The following ADGRF5 variants were observed in gnomAD, a reference collection of about 807,000 sequenced individuals.
ADGRF5 encodes the protein G-protein coupled receptor 116.
A neutral mutation model predicts 132.3 loss-of-function variants in ADGRF5; 75 were observed. The ratio of observed to expected loss-of-function variants is 0.57; its 90% CI spans 0.47 to 0.69. The LOEUF is 0.69. Ranked by LOEUF, ADGRF5 falls within the 30% of genes least tolerant of loss-of-function variation. ADGRF5 has a pLI of 0.00. For synonymous variants in ADGRF5, 629 were observed against 597.6 expected, an observed-to-expected ratio of 1.05 and a Z score of -0.77; for missense variants, 1,516 against 1,630.6, an observed-to-expected ratio of 0.93 and a Z score of 1.21.
chr6:46,905,605 A>G (rs2150894353), intron 2 of ADGRF5, among the ~76,000 whole-genome samples: 1 of 152,324 alleles, frequency 6.6e-6, no homozygotes, highest in Admixed American at 6.5e-5. Context: ...AAAATAAAGG[A>G]CAAAAATCGG....
intron 3 of ADGRF5, among the ~76,000 whole-genome samples, chr6:46,895,803 A>G (rs1774125256): frequency 1.3e-5 from 2 of 151,638 alleles, no homozygotes; most frequent in South Asian, 4.2e-4. Flanking sequence ...AACCAATAAG[A>G]AACATCCACT....
chr6:46,951,685 A>G (rs1469898556), intron 1 of ADGRF5, among the ~76,000 whole-genome samples: 2 of 152,150 alleles, frequency 1.3e-5, no homozygotes, highest in East Asian at 1.9e-4. Flanking sequence ...CTGCTTTCCT[A>G]AAGCAGGGAC....
rs113454041 is a variant in ADGRF5, at chr6:46,937,791, G to A, written c.-25+16943C>T. On this transcript the variant is annotated intron_variant, in intron 1 of 20. Transcript: ENST00000265417. The stretch of plus-strand genomic sequence containing the variant: ...TGCTGCAATACATATCTTGACAGTC[G>A]ATTTGATAACTGAGAAAGCTACTAA... Among the ~76,000 whole-genome samples the A allele has an allele frequency of 3.0e-4, 46 of 152,222 alleles. 1 individual carries two copies. The highest frequency in any genetic ancestry group is 2.1e-4 in the South Asian group (1 of 4,826).
intron 1 of ADGRF5, among the ~76,000 whole-genome samples, chr6:46,932,176 C>T (rs1051992851): frequency 1.3e-5 from 2 of 151,952 alleles, no homozygotes; most frequent in Non-Finnish European, 1.5e-5. Context: ...AGTACATGAA[C>T]CTATTTAAGA....
chr6:46,867,032 A>C lies in ADGRF5; in HGVS notation c.1727T>G (p.Leu576Trp), dbSNP rs768870613. 1 of 1,613,918 alleles carries C rather than the reference A, an allele frequency of 6.2e-7. No individual in the cohort carries two copies. The highest frequency in any genetic ancestry group is 8.5e-7 in the Non-Finnish European group (1 of 1,179,742). ...ACCACTGCATGAAACAGTAGCTTCC[A>C]AAGGATCAACCATGATGTTCAGCTT... ...PLKLNIMVDP[L>W]EATVSCSGSH... The change falls in exon 13 of 21, where the codon TTG becomes TGG. Residue 576 changes from leucine to tryptophan, a missense_variant. Transcript: ENST00000283296.
Position 46,858,306 on chromosome 6 carries a change from C to T in ADGRF5, c.3597G>A (p.Arg1199=). Residue 1199 remains arginine, a synonymous_variant, in exon 17 of 21, where the codon AGG becomes AGA. Transcript: ENST00000283296. ...TGCATGGCTTGTCTCCAATGGAAGGCCTCAGGATCTTGGTGATGACCACAA... is the reference window on the plus strand; with the variant it reads ...TGCATGGCTTGTCTCCAATGGAAGGTCTCAGGATCTTGGTGATGACCACAA... ...ITIVVITKIL[R]PSIGDKPCKQ... 6.2e-7 allele frequency: 1 copy of T among 1,613,942 alleles called. No individual in the cohort carries two copies. The highest frequency in any genetic ancestry group is 8.5e-7 in the Non-Finnish European group (1 of 1,179,972).
chr6:46,883,762 G>T, intron 5 of ADGRF5, 97 bp from the exon 6 acceptor site: 1 of 691,556 alleles, frequency 1.4e-6, no homozygotes, highest in East Asian at 2.7e-5. Context: ...GTTTGTTTCA[G>T]ATGGAGTCTC....
intron 1 of ADGRF5, among the ~76,000 whole-genome samples, chr6:46,929,097 G>T (rs1300963311): frequency 2.0e-5 from 3 of 152,096 alleles, no homozygotes; most frequent in Non-Finnish European, 4.4e-5. Flanking sequence ...CAACCCAAAT[G>T]TCCAACAATG....
At chr6:46,885,780 G>T (rs1773014678) in intron 4 of ADGRF5, among the ~76,000 whole-genome samples, 1 of 152,122 alleles carries the variant, frequency 6.6e-6, no homozygotes, top group Non-Finnish European at 1.5e-5. Flanking sequence ...TGTAGATATA[G>T]TTTATAAGGC....
chr6:46,954,459 A>G (rs1778648300), intron 1 of ADGRF5, among the ~76,000 whole-genome samples: 2 of 152,066 alleles, frequency 1.3e-5, no homozygotes, highest in Admixed American at 6.5e-5. Context: ...AACTACTTCT[A>G]ATGAGATTTG....
chr6:46,916,342 C>T (rs1207430664), intron 1 of ADGRF5, among the ~76,000 whole-genome samples: 2 of 152,244 alleles, frequency 1.3e-5, no homozygotes, highest in African/African-American at 2.4e-5. Context: ...TCCCACTGCT[C>T]TCTCCTAACC....
In ADGRF5 at chr6:46,868,387, T is replaced by C. The variant is rs368864092; in HGVS notation, c.1621+496A>G. Among the ~76,000 whole-genome samples, 117 of 152,370 alleles carry C rather than the reference T, an allele frequency of 7.7e-4. 1 individual carries two copies. The South Asian group carries it at 0.018, about 24-fold the overall frequency. ...ATCACATAGTTAAGGGCTCAATAAATATGAGCTATTATTGTAGCAGTTCTA... is the reference window on the plus strand; with the variant it reads ...ATCACATAGTTAAGGGCTCAATAAACATGAGCTATTATTGTAGCAGTTCTA... On this transcript the variant is annotated intron_variant, in intron 12 of 20. Transcript: ENST00000283296.
Position 46,859,398 on chromosome 6 carries a change from T to C in ADGRF5, c.2505A>G (p.Ala835=), listed in dbSNP as rs180960579. The change falls in exon 17 of 21, where the codon GCA becomes GCG. Residue 835 remains alanine (A), a synonymous_variant. Coordinates refer to ENST00000283296, the MANE Select transcript of ADGRF5 (RefSeq NM_001098518.2). ...LLHSVERFSQ[A]LQSGDSPPLS... is the part of the protein sequence containing the mutation. ...AAGGAGGGCTATCTCCCGACTGTAA[T>C]GCTTGGGAAAATCTTTCCACTGAAT... 2.8e-4 allele frequency: 453 copies of C among 1,613,720 alleles called. 3 individuals are homozygous for C. Among genetic ancestry groups the C allele is most frequent in the Non-Finnish European group, 1.7e-5 (20 of 1,179,632 alleles).
intron 1 of ADGRF5, among the ~76,000 whole-genome samples, chr6:46,916,177 T>C (rs564329922): frequency 6.6e-6 from 1 of 152,352 alleles, no homozygotes; most frequent in African/African-American, 2.4e-5. Context: ...GCCTCTGACC[T>C]TTATGGCATA....
At chr6:46,885,358 T>C (rs1459984038) in intron 4 of ADGRF5, among the ~76,000 whole-genome samples, 1 of 152,164 alleles carries the variant, frequency 6.6e-6, no homozygotes, top group Non-Finnish European at 1.5e-5. Flanking sequence ...GCTAAGCTGC[T>C]CTAAGATTTC....
chr6:46,866,699 T>C (rs73736673), intron 13 of ADGRF5, among the ~76,000 whole-genome samples: 7,034 of 150,596 alleles, frequency 0.047, 197 homozygotes, highest in African/African-American at 0.082. Context: ...TTCTCCCAAT[T>C]AAAAAAAAAG....
intron 1 of ADGRF5, among the ~76,000 whole-genome samples, chr6:46,909,970 T>C (rs1176520658): frequency 1.3e-5 from 2 of 151,534 alleles, no homozygotes; most frequent in East Asian, 1.9e-4. Flanking sequence ...ATTTCACCAT[T>C]CTAGTCCAAC....
At chr6:46,863,518 A>AC (rs1562150675) in intron 14 of ADGRF5, among the ~76,000 whole-genome samples, 1 of 152,202 alleles carries the variant, frequency 6.6e-6, no homozygotes, top group Non-Finnish European at 1.5e-5. Flanking sequence ...TAATCCAAAG[A>AC]CATAATTGCT....
chr6:46,858,216 G>T lies in ADGRF5; in HGVS notation c.3687C>A (p.Gly1229=), dbSNP rs750705875. ...KSIGVLTPLL[G]LTWGFGLTTV... ...TGGTGAGACCAAAACCCCAAGTGAG[G>T]CCCAAGAGTGGTGTGAGGACCCCAA... Residue 1229 remains glycine (G), a synonymous_variant, in exon 17 of 21, where the codon GGC becomes GGA. Transcript: ENST00000283296. The T allele has an allele frequency of 1.2e-6, 2 of 1,614,008 alleles. No individual in the cohort carries two copies. Among genetic ancestry groups the T allele is most frequent in the Middle Eastern group, 1.6e-4 (1 of 6,084 alleles).
Sources: allele counts gnomAD v4.1 joint callset (sites outside exome capture counted in the v4.1 genomes callset), GRCh38; gene constraint gnomAD v4.1.1; transcripts MANE v1.5; gene names NCBI Gene and HGNC (gene_info 2026-07-23, HGNC 2026-07-21).